The following GPR108 variants were observed in gnomAD, a reference collection of about 807,000 sequenced individuals.
GPR108 encodes the protein protein GPR108.
In GPR108, 60 loss-of-function variants were observed where a neutral mutation model predicts 74.3. That is an observed-to-expected ratio of 0.81 (90% confidence interval 0.66 to 1.00). The LOEUF is 1.00. Ranked by LOEUF, GPR108 falls within the 50% of genes least tolerant of loss-of-function variation. GPR108 has a pLI of 0.00. For missense variants in GPR108, 667 were observed against 703.3 expected (o/e 0.95, Z 0.58); for synonymous variants, 311 against 292.4 (o/e 1.06, Z -0.65).
At chr19:6,735,425 T>C (rs865934040) in intron 4 of GPR108, 197 bp downstream of exon 4, 2 of 576,688 alleles carry the variant, frequency 3.5e-6, no homozygotes, top group Non-Finnish European at 6.2e-6. Context: ...ATCCGGGTCT[T>C]CTGCCCTGAG....
chr19:6,732,523 C>T lies in GPR108; in HGVS notation c.960G>A (p.Gln320=). The change falls in exon 11 of 18, where the codon CAG becomes CAA. Residue 320 remains glutamine, a synonymous_variant. Coordinates refer to ENST00000264080, the MANE Select transcript of GPR108 (RefSeq NM_001080452.2). ...CGGCAAGGCCTTCGATGGGGTGGCC[C>T]TGGCTGTTGATGAAGTAGTAGTTGA... ...HSINYYFINS[Q]GHPIEGLAVM... The T allele has an allele frequency of 3.7e-6, 6 of 1,613,516 alleles. No individual in the cohort carries two copies. The highest frequency in any genetic ancestry group is 5.1e-6 in the Non-Finnish European group (6 of 1,179,954).
rs977039084 is a variant in GPR108 at position 6,736,071 on chromosome 19, G to A, written c.241-113C>T. 46 of 894,810 alleles carry A rather than the reference G, an allele frequency of 5.1e-5. No individual in the cohort carries two copies. In the Admixed American group the frequency reaches 1.1e-3, roughly 22 times the overall value. 55.4% of individuals were successfully genotyped at this position (894,810 alleles called of 1,614,324 possible). A position where few individuals can be genotyped will look rare whatever the true frequency, so the allele number is the denominator to read the frequency against. ...CACATTTACTGAACACCTAACATGT[G>A]CTAGATCCCACACGCTCTTTTTCTT... On this transcript the variant is annotated intron_variant, in intron 2 of 17. Transcript: ENST00000264080.
intron 15 of GPR108, 60 bp downstream of exon 15, chr19:6,731,413 G>A: frequency 6.7e-7 from 1 of 1,499,164 alleles, no homozygotes; most frequent in East Asian, 2.3e-5. Context: ...AGGGGCTGGG[G>A]TGGGCGTGCA....
chr19:6,730,907 C>CGG, intron 17 of GPR108, 80 bp downstream of exon 17: 1 of 1,043,518 alleles, frequency 9.6e-7, no homozygotes, highest in Non-Finnish European at 1.4e-6. Context: ...TCCCTCCCCC[C>CGG]TGCCCACCCT....
At chr19:6,734,892 T>G (rs936508420) in intron 4 of GPR108, among the ~76,000 whole-genome samples, 27 of 130,036 alleles carry the variant, frequency 2.1e-4, no homozygotes, top group Non-Finnish European at 4.0e-4. Context: ...ATTATTATTA[T>G]TATTTTGAGA....
intron 16 of GPR108, 26 bp from the exon 17 acceptor site, chr19:6,731,137 G>T (rs368063447): frequency 6.2e-7 from 1 of 1,611,732 alleles, no homozygotes; most frequent in Non-Finnish European, 8.5e-7. Context: ...GAGTGGGGGC[G>T]TCAGGCGCAC....
At chr19:6,730,700 C>A in intron 17 of GPR108, 1 of 536,522 alleles carries the variant, frequency 1.9e-6, no homozygotes, top group Non-Finnish European at 3.4e-6. Context: ...CTACCTAGGC[C>A]CCGCCCACCC....
chr19:6,733,740 TG>T (rs1308712080), intron 7 of GPR108, 66 bp from the exon 8 acceptor site: 3 of 1,580,388 alleles, frequency 1.9e-6, no homozygotes, highest in East Asian at 4.5e-5. Flanking sequence ...ACAATCAGCT[TG>T]GGGGTCCCAT....
At chr19:6,734,966 C>T (rs1362956867) in intron 4 of GPR108, among the ~76,000 whole-genome samples, 2 of 151,818 alleles carry the variant, frequency 1.3e-5, no homozygotes, top group East Asian at 3.9e-4. Context: ...CTGCAACCTC[C>T]ACCTCCCCAG....
At chr19:6,735,122 G>T (rs1208659019) in intron 4 of GPR108, among the ~76,000 whole-genome samples, 1 of 152,114 alleles carries the variant, frequency 6.6e-6, no homozygotes, top group African/African-American at 2.4e-5. Context: ...CAATTCCTGG[G>T]CCCAAGCAAT....
At chr19:6,736,998 G>A (rs971794311) in intron 1 of GPR108, 14 of 449,054 alleles carry the variant, frequency 3.1e-5, no homozygotes, top group East Asian at 2.0e-4. Flanking sequence ...ACCTCGGCGT[G>A]CCTGACCTTC....
chr19:6,733,793 G>A (rs1056001901), intron 7 of GPR108, 52 bp downstream of exon 7: 11 of 1,602,282 alleles, frequency 6.9e-6, no homozygotes, highest in Non-Finnish European at 9.4e-6. Flanking sequence ...CTCAGCTTGG[G>A]GGTCCCGTGC....
intron 3 of GPR108, 83 bp from the exon 4 acceptor site, chr19:6,735,787 C>T (rs1004276741): frequency 2.6e-6 from 4 of 1,532,658 alleles, no homozygotes; most frequent in South Asian, 1.1e-5. Flanking sequence ...TGTCCACCCA[C>T]GGGATCTTCC....
intron 4 of GPR108, among the ~76,000 whole-genome samples, chr19:6,735,223 T>C (rs1312788563): frequency 6.6e-6 from 1 of 152,172 alleles, no homozygotes; most frequent in African/African-American, 2.4e-5. Context: ...ACATTTTATC[T>C]ACAGAAAAGC....
rs200047897 is a variant in GPR108 at position 6,733,717 on chromosome 19, G to A, written c.619-43C>T. ...GAGGAGGGCTCAGCCTGGGGGACCC[G>A]TGGTCTGGGGCGACAATCAGCTTGG... On this transcript the variant is annotated intron_variant, in intron 7 of 17. Transcript: ENST00000264080. 3.5e-4 allele frequency: 552 copies of A among 1,591,054 alleles called. 5 individuals carry two copies. The African/African-American group carries it at 6.4e-3, about 18-fold the overall frequency.
At chr19:6,733,956 G>A (rs958973709) in intron 6 of GPR108, 43 bp from the exon 7 acceptor site, 33 of 1,613,858 alleles carry the variant, frequency 2.0e-5, no homozygotes, top group African/African-American at 6.7e-5. Flanking sequence ...CTGGGTCCCC[G>A]CAGGGCCCTG....
intron 8 of GPR108, 66 bp downstream of exon 8, chr19:6,733,504 G>A (rs1968506900): frequency 6.6e-7 from 1 of 1,507,096 alleles, no homozygotes; most frequent in Admixed American, 1.7e-5. Context: ...GCGGGGTGAG[G>A]CACTCTGGGC....
chr19:6,732,953 C>T, intron 10 of GPR108, 34 bp downstream of exon 10: 1 of 1,546,930 alleles, frequency 6.5e-7, no homozygotes. Flanking sequence ...CCTTTCAGCC[C>T]ACCCCCCGCT....
chr19:6,732,662 T>A, intron 10 of GPR108, 113 bp from the exon 11 acceptor site: 1 of 845,252 alleles, frequency 1.2e-6, no homozygotes, highest in Non-Finnish European at 2.0e-6. Context: ...GGTCAGAAAG[T>A]TGAATAATGA....
Sources: gnomAD v4.1 joint callset for allele counts (sites outside exome capture counted in the v4.1 genomes callset) on GRCh38, gnomAD v4.1.1 for gene constraint, MANE v1.5 for transcripts, NCBI Gene and HGNC (gene_info 2026-07-23, HGNC 2026-07-21) for gene names.